Variants in KCNMB4 observed in about 807,000 individuals in gnomAD.
KCNMB4 encodes the protein calcium-activated potassium channel subunit beta-4.
Under a neutral mutation model 20.7 loss-of-function variants are expected in KCNMB4, and 3 were observed. That is an observed-to-expected ratio of 0.14 (90% CI 0.07 to 0.37). The LOEUF is 0.37. Among genes scored for constraint, KCNMB4 ranks in the 10% least tolerant of loss-of-function variants. The pLI, the probability that KCNMB4 is intolerant of heterozygous loss-of-function variation, is 1.00. For synonymous variants in KCNMB4, 110 were observed against 113.4 expected (o/e 0.97, Z 0.19); for missense variants, 168 against 265.9 (o/e 0.63, Z 2.56).
chr12:70,408,057 A>G (rs1024721120), intron 2 of KCNMB4, among the ~76,000 whole-genome samples: 2 of 152,180 alleles, frequency 1.3e-5, no homozygotes, highest in Middle Eastern at 3.2e-3. Flanking sequence ...TACCTCCTTC[A>G]GAACGGATAC....
At chr12:70,420,668 C>T (rs2136140749) in intron 2 of KCNMB4, among the ~76,000 whole-genome samples, 1 of 152,196 alleles carries the variant, frequency 6.6e-6, no homozygotes. Flanking sequence ...ACTAGAGCAG[C>T]AATAGGAAAT....
At chr12:70,407,957 A>G (rs1279392810) in intron 2 of KCNMB4, among the ~76,000 whole-genome samples, 1 of 152,338 alleles carries the variant, frequency 6.6e-6, no homozygotes, top group Non-Finnish European at 1.5e-5. Flanking sequence ...GTTCTGTGCC[A>G]GGAACCGGGG....
At chr12:70,411,315 G>A (rs1035008028) in intron 2 of KCNMB4, among the ~76,000 whole-genome samples, 1 of 152,066 alleles carries the variant, frequency 6.6e-6, no homozygotes, top group African/African-American at 2.4e-5. Context: ...CTACCTCAAC[G>A]GTAATTGAGT....
intron 1 of KCNMB4, among the ~76,000 whole-genome samples, chr12:70,369,819 G>A (rs1224218819): frequency 1.3e-5 from 2 of 152,092 alleles, no homozygotes; most frequent in African/African-American, 4.8e-5. Context: ...TATCCTTATT[G>A]TCTAAAGCAA....
chr12:70,387,707 A>G (rs1265980013), intron 1 of KCNMB4, among the ~76,000 whole-genome samples: 1 of 151,970 alleles, frequency 6.6e-6, no homozygotes, highest in South Asian at 2.1e-4. Context: ...TAGTAGGTAT[A>G]TATATTTAAG....
intron 2 of KCNMB4, among the ~76,000 whole-genome samples, chr12:70,426,139 C>T (rs1173647472): frequency 6.6e-6 from 1 of 151,794 alleles, no homozygotes; most frequent in Non-Finnish European, 1.5e-5. Context: ...ACTAAAAGTA[C>T]AAAAATTAGT....
intron 2 of KCNMB4, among the ~76,000 whole-genome samples, chr12:70,430,022 A>G (rs1352756304): frequency 1.4e-5 from 2 of 145,896 alleles, no homozygotes; most frequent in Non-Finnish European, 3.0e-5. Flanking sequence ...AAATTCAAGC[A>G]GTGGCTTTAA....
chr12:70,417,544 T>C (rs999548787), intron 2 of KCNMB4, among the ~76,000 whole-genome samples: 3 of 152,214 alleles, frequency 2.0e-5, no homozygotes, highest in Admixed American at 6.5e-5. Flanking sequence ...GTAGTAAATA[T>C]GATCATTCAT....
intron 1 of KCNMB4, among the ~76,000 whole-genome samples, chr12:70,391,828 T>C (rs1164757697): frequency 6.6e-6 from 1 of 152,196 alleles, no homozygotes; most frequent in African/African-American, 2.4e-5. Flanking sequence ...CACTGAATCA[T>C]TGCTGTAATC....
At chr12:70,372,644 A>G (rs1883618282) in intron 1 of KCNMB4, among the ~76,000 whole-genome samples, 2 of 152,178 alleles carry the variant, frequency 1.3e-5, no homozygotes, top group South Asian at 4.1e-4. Context: ...GGTCTGGAGG[A>G]GTGTGGATGA....
chr12:70,430,623 G>A lies in KCNMB4; in HGVS notation c.603G>A (p.Ala201=), dbSNP rs765167113. The change falls in exon 3 of 3, where the codon GCG becomes GCA. Residue 201 remains alanine, a synonymous_variant. Coordinates refer to ENST00000258111, the MANE Select transcript of KCNMB4 (RefSeq NM_014505.6). ...GTGCCAAGAGCTTGGCGGTCAAGGC[G>A]GAAGCCATGAAGAAGCGCAAGTTCT... ...TICAKSLAVK[A]EAMKKRKFS is the part of the protein sequence containing the mutation. 46 of 1,611,438 alleles carry A rather than the reference G, an allele frequency of 2.9e-5. No homozygotes were observed. In the South Asian group the frequency reaches 3.4e-4, roughly 12 times the overall value.
intron 1 of KCNMB4, among the ~76,000 whole-genome samples, chr12:70,368,928 C>A (rs1883542864): frequency 6.6e-6 from 1 of 152,138 alleles, no homozygotes; most frequent in South Asian, 2.1e-4. Flanking sequence ...TACCTAGAAG[C>A]AATCCCAATG....
At chr12:70,429,211 T>A (rs1209950075) in intron 2 of KCNMB4, among the ~76,000 whole-genome samples, 2 of 152,202 alleles carry the variant, frequency 1.3e-5, no homozygotes, top group African/African-American at 4.8e-5. Context: ...TGCACTGCCC[T>A]TGTGCTCTGA....
intron 1 of KCNMB4, among the ~76,000 whole-genome samples, chr12:70,394,309 T>C (rs1868331287): frequency 6.6e-6 from 1 of 152,170 alleles, no homozygotes; most frequent in Admixed American, 6.5e-5. Flanking sequence ...TCAAGTGATC[T>C]GTGGAACAGA....
chr12:70,375,140 C>T (rs1883662961), intron 1 of KCNMB4, among the ~76,000 whole-genome samples: 1 of 152,066 alleles, frequency 6.6e-6, no homozygotes, highest in East Asian at 1.9e-4. Flanking sequence ...TTTTTTGTTT[C>T]TGTTAATTGT....
chr12:70,393,645 T>C (rs1472605416), intron 1 of KCNMB4, among the ~76,000 whole-genome samples: 1 of 152,170 alleles, frequency 6.6e-6, no homozygotes, highest in Non-Finnish European at 1.5e-5. Context: ...ATTCCAAAAA[T>C]CCAGATATCA....
intron 1 of KCNMB4, among the ~76,000 whole-genome samples, chr12:70,385,040 G>A (rs577695216): frequency 5.3e-5 from 8 of 152,208 alleles, no homozygotes; most frequent in East Asian, 1.9e-4. Flanking sequence ...AATGTTCCAA[G>A]CAGATATTAT....
At chr12:70,414,441 G>A (rs1868863861) in intron 2 of KCNMB4, among the ~76,000 whole-genome samples, 1 of 152,124 alleles carries the variant, frequency 6.6e-6, no homozygotes, top group African/African-American at 2.4e-5. Context: ...CTAGGGAGGA[G>A]CAGTGTCAGG....
intron 1 of KCNMB4, among the ~76,000 whole-genome samples, chr12:70,377,952 CTT>C (rs112757781): frequency 8.1e-4 from 115 of 141,722 alleles, no homozygotes; most frequent in Admixed American, 1.1e-3. Context: ...AGCTCTACTT[CTT>C]TTTTTTTTTT....
Sources: gnomAD v4.1 joint callset for allele counts (sites outside exome capture counted in the v4.1 genomes callset) on GRCh38, gnomAD v4.1.1 for gene constraint, MANE v1.5 for transcripts, NCBI Gene and HGNC (gene_info 2026-07-23, HGNC 2026-07-21) for gene names.